Variants in C5orf46 observed in about 807,000 individuals in gnomAD.
C5orf46 encodes chromosome 5 open reading frame 46.
A neutral mutation model predicts 8.9 loss-of-function variants in C5orf46; 9 were observed. That is an observed-to-expected ratio of 1.01 (90% CI 0.61 to 1.76). The LOEUF (loss-of-function observed/expected upper bound fraction) is 1.76, where lower values mean the gene tolerates loss of function less well. C5orf46 is among the 40% of genes most tolerant of loss of function. C5orf46 has a pLI of 0.00. For synonymous variants in C5orf46, 47 were observed against 41.4 expected (o/e 1.14, Z -0.52); for missense variants, 98 against 107.8 (o/e 0.91, Z 0.40).
At chr5:147,900,233 C>T (rs1439297079) in intron 2 of C5orf46, among the ~76,000 whole-genome samples, 2 of 152,034 alleles carry the variant, frequency 1.3e-5, no homozygotes, top group African/African-American at 2.4e-5. Context: ...GCAAAAGCAA[C>T]CACAGTAGGA....
downstream of C5orf46, among the ~76,000 whole-genome samples, chr5:147,889,988 C>T (rs78169046): frequency 7.0e-3 from 1,067 of 152,264 alleles, 11 homozygotes; most frequent in African/African-American, 0.024. Context: ...AAGCTTTCTT[C>T]TGTGGTTGAA....
At chr5:147,905,874 G>A (rs1209196581) in intron 1 of C5orf46, among the ~76,000 whole-genome samples, 1 of 152,184 alleles carries the variant, frequency 6.6e-6, no homozygotes, top group Non-Finnish European at 1.5e-5. Context: ...AACCAAATGA[G>A]ATTATACATG....
chr5:147,895,471 A>T (rs1037827201), intron 3 of C5orf46, among the ~76,000 whole-genome samples: 2 of 152,204 alleles, frequency 1.3e-5, no homozygotes, highest in African/African-American at 4.8e-5. Context: ...TTAAAAATTC[A>T]TAAGGAGAAA....
chr5:147,895,984 A>G (rs114821810), intron 3 of C5orf46, among the ~76,000 whole-genome samples: 2,695 of 152,266 alleles, frequency 0.018, 85 homozygotes, highest in African/African-American at 0.062. Flanking sequence ...CCAATGGGGA[A>G]AAGGAGCATT....
chr5:147,895,295 C>A (rs954516841), intron 3 of C5orf46, among the ~76,000 whole-genome samples: 63 of 152,050 alleles, frequency 4.1e-4, no homozygotes, highest in African/African-American at 1.4e-3. Flanking sequence ...AAAAATTAGT[C>A]TCTCCCTTAG....
At chr5:147,894,836 G>T (rs539891494) in intron 3 of C5orf46, among the ~76,000 whole-genome samples, 2 of 151,806 alleles carry the variant, frequency 1.3e-5, no homozygotes, top group African/African-American at 4.8e-5. Flanking sequence ...CCGAAGGGGG[G>T]TGAATCACTG....
At chr5:147,901,485 G>T in intron 2 of C5orf46, 144 bp downstream of exon 2, 1 of 703,922 alleles carries the variant, frequency 1.4e-6, no homozygotes, top group Non-Finnish European at 2.2e-6. Flanking sequence ...TATATTTTAA[G>T]TAGGGCAACA....
At chr5:147,894,611 C>T (rs1757551872) in intron 3 of C5orf46, among the ~76,000 whole-genome samples, 1 of 152,116 alleles carries the variant, frequency 6.6e-6, no homozygotes, top group Non-Finnish European at 1.5e-5. Flanking sequence ...ATAACTTTAT[C>T]ATTTCCTTCC....
chr5:147,898,703 G>A (rs906321839), intron 2 of C5orf46, among the ~76,000 whole-genome samples: 1 of 152,086 alleles, frequency 6.6e-6, no homozygotes, highest in South Asian at 2.1e-4. Context: ...AAAAGAATGA[G>A]AAAGAATGGC....
At chr5:147,902,484 A>G (rs1757685753) in intron 1 of C5orf46, among the ~76,000 whole-genome samples, 1 of 152,184 alleles carries the variant, frequency 6.6e-6, no homozygotes, top group South Asian at 2.1e-4. Flanking sequence ...AAAATGAAAT[A>G]TCAATGGGTA....
At chr5:147,885,994 A>T (rs1034853538) in intron 2 of C5orf46, 2 of 152,216 alleles carry the variant, frequency 1.3e-5, no homozygotes, top group African/African-American at 4.8e-5. Flanking sequence ...ACTATTCAAC[A>T]AAAAAGGAGA....
chr5:147,894,810 C>T (rs181921896), intron 3 of C5orf46, among the ~76,000 whole-genome samples: 2 of 151,402 alleles, frequency 1.3e-5, no homozygotes, highest in Admixed American at 1.3e-4. Context: ...ACCTGTAATT[C>T]CAGCATTTTG....
At chr5:147,905,091 G>A (rs182682685) in intron 1 of C5orf46, among the ~76,000 whole-genome samples, 4 of 151,778 alleles carry the variant, frequency 2.6e-5, no homozygotes, top group South Asian at 2.1e-4. Flanking sequence ...AATATTAAAC[G>A]ATTGATATCC....
chr5:147,904,573 C>A (rs952748230), intron 1 of C5orf46, among the ~76,000 whole-genome samples: 16 of 152,192 alleles, frequency 1.1e-4, no homozygotes, highest in Admixed American at 9.8e-4. Context: ...GACACTAAAA[C>A]CTGGCTTTTC....
intron 2 of C5orf46, chr5:147,887,629 TCA>T (rs1757442125): frequency 6.6e-6 from 1 of 152,174 alleles, no homozygotes; most frequent in African/African-American, 2.4e-5. Flanking sequence ...TCCATAGATT[TCA>T]CAGTGTAAAG....
chr5:147,888,766 G>A (rs1021229876), downstream of C5orf46, among the ~76,000 whole-genome samples: 1 of 151,972 alleles, frequency 6.6e-6, no homozygotes, highest in Non-Finnish European at 1.5e-5. Context: ...ATGATTTTTT[G>A]TATCTCCCAC....
chr5:147,897,513 G>T (rs1023170515), intron 2 of C5orf46, among the ~76,000 whole-genome samples: 1 of 152,176 alleles, frequency 6.6e-6, no homozygotes, highest in Non-Finnish European at 1.5e-5. Context: ...ATTACTAAAT[G>T]CTAGAAACAT....
downstream of C5orf46, chr5:147,887,755 G>T (rs892874298): frequency 6.6e-6 from 1 of 152,180 alleles, no homozygotes; most frequent in Non-Finnish European, 1.5e-5. Flanking sequence ...ACAAGAGATT[G>T]CCTGTTTATT....
At chr5:147,901,301 T>C (rs2127130584) in intron 2 of C5orf46, 1 of 176,250 alleles carries the variant, frequency 5.7e-6, no homozygotes, top group East Asian at 1.4e-4. Flanking sequence ...CCTAGTAAAA[T>C]AGCAACTGAG....
Sources: gnomAD v4.1 joint callset for allele counts (sites outside exome capture counted in the v4.1 genomes callset) on GRCh38, gnomAD v4.1.1 for gene constraint, MANE v1.5 for transcripts, NCBI Gene and HGNC (gene_info 2026-07-23, HGNC 2026-07-21) for gene names.